CORO2B: variants seen among roughly 807,000 people sequenced by gnomAD.
CORO2B encodes coronin-2B.
A neutral mutation model predicts 58.8 loss-of-function variants in CORO2B; 26 were observed. The observed-to-expected ratio is 0.44, with a 90% CI of 0.32 to 0.61. The LOEUF (loss-of-function observed/expected upper bound fraction) is 0.61, where lower values mean the gene tolerates loss of function less well. Ranked by LOEUF, CORO2B falls within the 20% of genes least tolerant of loss-of-function variation. CORO2B has a pLI of 0.04. For synonymous variants in CORO2B, 242 were observed against 253.8 expected, an observed-to-expected ratio of 0.95 and a Z score of 0.44; for missense variants, 460 against 645.1, an observed-to-expected ratio of 0.71 and a Z score of 3.11.
chr15:68,637,995 C>T (rs929377536), intron 1 of CORO2B, among the ~76,000 whole-genome samples: 1 of 152,182 alleles, frequency 6.6e-6, no homozygotes, highest in Non-Finnish European at 1.5e-5. Flanking sequence ...TAGTGATTAT[C>T]TCAGAGGGGA....
At chr15:68,695,083 C>A (rs1245156567) in intron 2 of CORO2B, 57 bp from the exon 3 acceptor site, 8 of 1,380,396 alleles carry the variant, frequency 5.8e-6, no homozygotes, top group Non-Finnish European at 7.2e-6. Context: ...CCATTCAAGG[C>A]CACCCCAGGG....
At chr15:68,674,962 A>G (rs764964831) in intron 2 of CORO2B, among the ~76,000 whole-genome samples, 4 of 152,172 alleles carry the variant, frequency 2.6e-5, no homozygotes, top group Non-Finnish European at 2.9e-5. Flanking sequence ...ATGAATCCCT[A>G]ATAGTAGAAC....
intron 3 of CORO2B, among the ~76,000 whole-genome samples, chr15:68,696,498 G>C (rs1227897251): frequency 6.7e-6 from 1 of 148,652 alleles, no homozygotes; most frequent in East Asian, 2.0e-4. Context: ...GCAGTGAGCT[G>C]AGATCGTGCC....
chr15:68,653,800 G>C (rs7167147), intron 2 of CORO2B, among the ~76,000 whole-genome samples: 2,146 of 151,432 alleles, frequency 0.014, 55 homozygotes, highest in African/African-American at 0.05. Flanking sequence ...CCAGATTTCT[G>C]TAACACCCCA....
chr15:68,616,523 A>G, intron 1 of CORO2B: 1 of 985,334 alleles, frequency 1.0e-6, no homozygotes. Flanking sequence ...AAAAGCAGGC[A>G]GCTGCCCTGG....
chr15:68,725,614 A>G (rs1893275729), intron 11 of CORO2B, among the ~76,000 whole-genome samples: 3 of 152,120 alleles, frequency 2.0e-5, no homozygotes, highest in South Asian at 2.1e-4. Flanking sequence ...TCAATTAATG[A>G]CGCAGGTTTT....
At chr15:68,654,734 G>A (rs561867589) in intron 2 of CORO2B, among the ~76,000 whole-genome samples, 6 of 152,334 alleles carry the variant, frequency 3.9e-5, no homozygotes, top group South Asian at 2.1e-4. Flanking sequence ...CCCATAGTAC[G>A]TGCTAGTAAA....
At chr15:68,703,576 G>T (rs1216566284) in intron 3 of CORO2B, among the ~76,000 whole-genome samples, 1 of 152,184 alleles carries the variant, frequency 6.6e-6, no homozygotes, top group African/African-American at 2.4e-5. Flanking sequence ...GGCCCATGGT[G>T]AACTCCAACT....
chr15:68,592,700 A>C (rs1899736236), intron 1 of CORO2B, among the ~76,000 whole-genome samples: 1 of 152,206 alleles, frequency 6.6e-6, no homozygotes, highest in African/African-American at 2.4e-5. Context: ...CAGCCCAGGC[A>C]TACAGAGATG....
the CORO2B span, among the ~76,000 whole-genome samples, chr15:68,531,531 G>T: frequency 8.3e-6 from 1 of 119,946 alleles, no homozygotes; most frequent in South Asian, 2.7e-4. Flanking sequence ...AAGGAAGGAA[G>T]GAAGGAAGGA....
At chr15:68,534,515 A>T in the CORO2B span, among the ~76,000 whole-genome samples, 1 of 152,226 alleles carries the variant, frequency 6.6e-6, no homozygotes, top group East Asian at 1.9e-4. Context: ...CACTTTAGGA[A>T]TTTATTTGCC....
At chr15:68,551,335 C>T in the CORO2B span, among the ~76,000 whole-genome samples, 1 of 152,182 alleles carries the variant, frequency 6.6e-6, no homozygotes, top group East Asian at 1.9e-4. Flanking sequence ...GGTAACAACC[C>T]CCAGGGGTCC....
intron 2 of CORO2B, among the ~76,000 whole-genome samples, chr15:68,662,198 C>A (rs1902037836): frequency 6.6e-6 from 1 of 152,120 alleles, no homozygotes; most frequent in South Asian, 2.1e-4. Flanking sequence ...CCACCCTTTG[C>A]TGATGTTAAA....
chr15:68,577,724 C>A (rs1457150676), upstream of CORO2B, among the ~76,000 whole-genome samples: 36 of 108,806 alleles, frequency 3.3e-4, no homozygotes, highest in African/African-American at 5.3e-4. Flanking sequence ...ACTCCGGTCT[C>A]AAAAAAAAAA....
chr15:68,582,915 C>T (rs74020242), intron 1 of CORO2B, among the ~76,000 whole-genome samples: 8,212 of 152,200 alleles, frequency 0.054, 731 homozygotes, highest in African/African-American at 0.19. Context: ...GGGGGGTCAG[C>T]GGTCCAGGAG....
At chr15:68,617,167 T>C (rs1465916760) in intron 1 of CORO2B, among the ~76,000 whole-genome samples, 1 of 145,966 alleles carries the variant, frequency 6.9e-6, no homozygotes, top group Non-Finnish European at 1.5e-5. Context: ...TTTCGTGGGC[T>C]CCAGGGAATG....
intron 3 of CORO2B, among the ~76,000 whole-genome samples, chr15:68,706,385 C>G (rs75866003): frequency 0.027 from 4,092 of 152,272 alleles, 188 homozygotes; most frequent in African/African-American, 0.094. Flanking sequence ...CCCACAGGCT[C>G]TCCGTCTGCA....
At chr15:68,707,943 TC>T (rs202220184) in intron 3 of CORO2B, among the ~76,000 whole-genome samples, 3 of 150,932 alleles carry the variant, frequency 2.0e-5, no homozygotes, top group Admixed American at 6.6e-5. Context: ...CTCCCCCAAT[TC>T]CCCCCCTCCC....
At position 68,625,273 on chromosome 15, in the gene CORO2B, T is replaced by A. The variant is rs1461983995; in HGVS notation, c.16-19887T>A. ...GAGACAAACGTGTCTTCAGCTAATT[T>A]TTTTTTTTAACTCGGGTTCTTCGAG... On this transcript the variant is annotated intron_variant, in intron 1 of 11. Transcript: ENST00000261861. Among the ~76,000 whole-genome samples, 7 of 151,886 alleles carry A rather than the reference T, an allele frequency of 4.6e-5. No individual in the cohort carries two copies. The East Asian group carries it at 1.3e-3, about 29-fold the overall frequency.
Sources: allele counts gnomAD v4.1 joint callset (sites outside exome capture counted in the v4.1 genomes callset), GRCh38; gene constraint gnomAD v4.1.1; transcripts MANE v1.5; gene names NCBI Gene and HGNC (gene_info 2026-07-23, HGNC 2026-07-21).